Variants in SLC9C2 observed in about 807,000 individuals in gnomAD.
SLC9C2 encodes sodium/hydrogen exchanger 11.
A neutral mutation model predicts 140.2 loss-of-function variants in SLC9C2; 75 were observed. The ratio of observed to expected loss-of-function variants is 0.53; its 90% CI spans 0.44 to 0.65. The LOEUF is 0.65. SLC9C2 is among the 30% of genes least tolerant of loss of function. SLC9C2 has a pLI of 0.00. For missense variants in SLC9C2, 1,074 were observed against 1,331.8 expected (o/e 0.81, Z 3.01); for synonymous variants, 375 against 420.9 (o/e 0.89, Z 1.34).
chr1:173,504,300 T>C (rs1659477470), intron 26 of SLC9C2, among the ~76,000 whole-genome samples: 1 of 152,092 alleles, frequency 6.6e-6, no homozygotes, highest in African/African-American at 2.4e-5. Flanking sequence ...TGAATATCTG[T>C]CTCTCCTCCC....
intron 1 of SLC9C2, 136 bp from the exon 2 acceptor site, chr1:173,601,991 T>C: frequency 1.9e-6 from 1 of 523,968 alleles, no homozygotes; most frequent in East Asian, 3.4e-5. Context: ...CCTCTTGTCC[T>C]ACCCCTTGCT....
At chr1:173,501,206 T>C in intron 27 of SLC9C2, 109 bp from the exon 28 acceptor site, 4 of 1,108,648 alleles carry the variant, frequency 3.6e-6, no homozygotes, top group Non-Finnish European at 4.9e-6. Flanking sequence ...TATTTTATTA[T>C]CTGAAACATT....
intron 19 of SLC9C2, among the ~76,000 whole-genome samples, chr1:173,526,126 G>GC (rs1401369474): frequency 6.6e-6 from 1 of 151,254 alleles, no homozygotes; most frequent in Non-Finnish European, 1.5e-5. Context: ...CTGGCCCACA[G>GC]CCCCCCATGA....
chr1:173,539,343 GC>G (rs1314949072), intron 13 of SLC9C2, among the ~76,000 whole-genome samples: 1 of 152,170 alleles, frequency 6.6e-6, no homozygotes, highest in African/African-American at 2.4e-5. Context: ...GATTATGACG[GC>G]CTAAATTAAG....
At chr1:173,561,887 C>CACACACA (rs1558068630) in intron 9 of SLC9C2, among the ~76,000 whole-genome samples, 73 of 141,312 alleles carry the variant, frequency 5.2e-4, no homozygotes, top group South Asian at 4.6e-3. Context: ...ACACACACAC[C>CACACACA]CCCAACTGTA....
At chr1:173,533,935 A>G in intron 16 of SLC9C2, 138 bp from the exon 17 acceptor site, 1 of 963,860 alleles carries the variant, frequency 1.0e-6, no homozygotes, top group Middle Eastern at 3.5e-4. Context: ...TTCATTTGGA[A>G]TCCCCCCAAA....
At chr1:173,525,070 G>GA in intron 19 of SLC9C2, 143 bp from the exon 20 acceptor site, 2 of 921,882 alleles carry the variant, frequency 2.2e-6, no homozygotes. Flanking sequence ...AGGTCAGCAG[G>GA]CAAAGAGTTA....
At chr1:173,527,452 A>G (rs183984521) in intron 18 of SLC9C2, among the ~76,000 whole-genome samples, 1 of 152,358 alleles carries the variant, frequency 6.6e-6, no homozygotes, top group African/African-American at 2.4e-5. Flanking sequence ...AAAGAAGTGG[A>G]AAAATGAGAA....
chr1:173,505,256 TGG>T lies in SLC9C2; in HGVS notation c.3299_3300del (p.Thr1100LysfsTer11), dbSNP rs749868196. The T allele has an allele frequency of 7.4e-6, 12 of 1,613,478 alleles. No individual in the cohort carries two copies. The highest frequency in any genetic ancestry group is 1.0e-5 in the Non-Finnish European group (12 of 1,179,410). The part of the protein sequence containing the change: ...ASELTQRNSN[T>X]NVMASVNTVF... ...AAGGTCTACCCCTTACCCATGACAT[TGG>T]TGTTACTATTTCTTTGGGTAAGCTC... is the stretch of plus-strand genomic sequence containing the variant. On this transcript the variant is annotated frameshift_variant, in exon 26 of 28. Coordinates refer to ENST00000367714, the MANE Select transcript of SLC9C2 (RefSeq NM_178527.4). LOFTEE classifies it high-confidence loss of function.
In SLC9C2 at chr1:173,501,067, A is replaced by G; in HGVS notation, c.*27T>C. On this transcript the variant is annotated 3_prime_UTR_variant, in exon 28 of 28. Transcript: ENST00000367714. ...CACACATCATATTTGTATCATTAAT[A>G]CCCTTTTCTAAAATGGTATCCAGTT... 6.5e-7 allele frequency: 1 copy of G among 1,533,692 alleles called. No homozygotes were observed. The highest frequency in any genetic ancestry group is 1.4e-5 in the African/African-American group (1 of 71,798).
At chr1:173,546,107 A>G (rs1287396664) in intron 13 of SLC9C2, among the ~76,000 whole-genome samples, 2 of 152,200 alleles carry the variant, frequency 1.3e-5, no homozygotes, top group East Asian at 3.8e-4. Context: ...CCACTTTTTA[A>G]TAGGAGGCTC....
At chr1:173,601,600 A>G in intron 2 of SLC9C2, 50 bp downstream of exon 2, 1 of 1,587,842 alleles carries the variant, frequency 6.3e-7, no homozygotes, top group East Asian at 2.2e-5. Flanking sequence ...CTGCATTGAC[A>G]AAAGGTTCAC....
chr1:173,574,505 C>A (rs1015311724), intron 8 of SLC9C2, among the ~76,000 whole-genome samples: 1 of 104,824 alleles, frequency 9.5e-6, no homozygotes, highest in East Asian at 2.9e-4. Context: ...GAGTTAAGTA[C>A]TTTTTTTTTT....
At chr1:173,582,613 C>A (rs1665613347) in intron 6 of SLC9C2, among the ~76,000 whole-genome samples, 1 of 152,162 alleles carries the variant, frequency 6.6e-6, no homozygotes, top group Non-Finnish European at 1.5e-5. Context: ...TTTATTTCTC[C>A]TTTTAGTATC....
intron 4 of SLC9C2, among the ~76,000 whole-genome samples, chr1:173,590,950 C>T (rs1022266337): frequency 2.6e-5 from 4 of 152,136 alleles, no homozygotes; most frequent in South Asian, 2.1e-4. Context: ...GGTTGTTATA[C>T]AGGTAAACTT....
chr1:173,579,072 G>A (rs896485981), intron 7 of SLC9C2, among the ~76,000 whole-genome samples: 12 of 152,164 alleles, frequency 7.9e-5, no homozygotes, highest in Non-Finnish European at 1.2e-4. Flanking sequence ...GCACACACAA[G>A]TGCTGACTCT....
At position 173,548,451 on chromosome 1, in the gene SLC9C2, T is replaced by G; in HGVS notation, c.1399A>C (p.Lys467Gln). The change falls in exon 12 of 28, where the codon AAA (lysine) becomes CAA (glutamine). Residue 467 changes from lysine to glutamine, a missense_variant. Transcript: ENST00000367714. ...GTCCAGTTAACATTTGTCAAAATTT[T>G]TTCTGTTTTAAATAAAGTTATTGTG... is the stretch of plus-strand genomic sequence containing the variant. The part of the protein sequence containing the change: ...QNTITLFKTE[K>Q]ILTNVNWTLV... The G allele has an allele frequency of 6.2e-7, 1 of 1,613,822 alleles. No individual in the cohort carries two copies. The highest frequency in any genetic ancestry group is 8.5e-7 in the Non-Finnish European group (1 of 1,179,792).
Position 173,526,682 on chromosome 1 carries a change from C to T in SLC9C2, c.2346G>A (p.Gln782=). The change falls in exon 19 of 28, where the codon CAG becomes CAA. Residue 782 remains glutamine (Q), a synonymous_variant. Coordinates refer to ENST00000367714, the MANE Select transcript of SLC9C2 (RefSeq NM_178527.4). The part of the protein sequence containing the change: ...KLCEILETNK[Q]DAVKELVLME... ...ACCTACCTAATTCTTTGACAGCATC[C>T]TGTTTGTTGGTTTCCAAAATTTCAC... 6.3e-7 allele frequency: 1 copy of T among 1,595,508 alleles called. No individual in the cohort carries two copies. The highest frequency in any genetic ancestry group is 8.5e-7 in the Non-Finnish European group (1 of 1,175,308).
intron 5 of SLC9C2, among the ~76,000 whole-genome samples, chr1:173,585,141 TTAAAA>T: frequency 6.6e-6 from 1 of 152,328 alleles, no homozygotes; most frequent in Non-Finnish European, 1.5e-5. Flanking sequence ...CAGATTTGCT[TTAAAA>T]TAAAAGTTAT....
Sources: allele counts gnomAD v4.1 joint callset (sites outside exome capture counted in the v4.1 genomes callset), GRCh38; gene constraint gnomAD v4.1.1; transcripts MANE v1.5; gene names NCBI Gene and HGNC (gene_info 2026-07-23, HGNC 2026-07-21).